NBPF4: variants seen among roughly 807,000 people sequenced by gnomAD.
NBPF4 encodes the protein NBPF family member NBPF4.
In NBPF4, 11 loss-of-function variants were observed where a neutral mutation model predicts 21.1. That is an observed-to-expected ratio of 0.52 (90% CI 0.33 to 0.86). NBPF4 has a LOEUF of 0.86. Among genes scored for constraint, NBPF4 ranks in the 40% least tolerant of loss-of-function variants. NBPF4 has a pLI of 0.03. For synonymous variants in NBPF4, 47 were observed against 106.4 expected, an observed-to-expected ratio of 0.44 and a Z score of 3.43; for missense variants, 88 against 265.3, an observed-to-expected ratio of 0.33 and a Z score of 4.64.
the NBPF4 span, among the ~76,000 whole-genome samples, chr1:108,268,553 G>T: frequency 6.7e-6 from 1 of 149,640 alleles, no homozygotes; most frequent in African/African-American, 2.5e-5. Flanking sequence ...TTAATTTCTT[G>T]TAGGGGTGGG....
At chr1:108,266,463 CCTTT>C in the NBPF4 span, among the ~76,000 whole-genome samples, 3 of 120,192 alleles carry the variant, frequency 2.5e-5, no homozygotes, top group East Asian at 8.7e-4. Context: ...ATTTCATCCT[CCTTT>C]CTTTCTGTTT....
intron 14 of NBPF4, among the ~76,000 whole-genome samples, chr1:108,224,464 AGATAAATAT>A (rs1649411774): frequency 7.0e-6 from 1 of 143,382 alleles, no homozygotes; most frequent in Non-Finnish European, 1.5e-5. Context: ...AAGGTTTTAC[AGATAAATAT>A]GATGGTGCTG....
At position 108,241,335 on chromosome 1, in the gene NBPF4, TATATAC is replaced by T. The variant is rs1272589112; in HGVS notation, c.279-177_279-172del. Among the ~76,000 whole-genome samples the T allele has an allele frequency of 1.2e-3, 164 of 131,262 alleles. 1 individual carries two copies. Among genetic ancestry groups the T allele is most frequent in the South Asian group, 3.9e-3 (14 of 3,562 alleles). The allele number at this position is 131,262 out of a possible 152,430, so 86.1% of individuals were successfully genotyped here. On this transcript the variant is annotated intron_variant, in intron 3 of 14. Transcript: ENST00000415641. ...AGAGAAAGAAGAATATATATATATA[TATATAC>T]ACACACACACACACACACACATACA...
At chr1:108,257,727 G>T in the NBPF4 span, among the ~76,000 whole-genome samples, 10 of 102,960 alleles carry the variant, frequency 9.7e-5, no homozygotes, top group Middle Eastern at 5.0e-3. Flanking sequence ...TGTGTATTTT[G>T]TTCCTATTTT....
chr1:108,222,896 C>T lies in NBPF4; in HGVS notation c.*809G>A, dbSNP rs1248369958. On this transcript the variant is annotated 3_prime_UTR_variant, in exon 15 of 15. Transcript: ENST00000415641. ...ACCCCTCCTTAACCAAGTGACCATC[C>T]TAGTATCACCGCACTGGGGATGGAC... Among the ~76,000 whole-genome samples the T allele has an allele frequency of 6.6e-6, 1 of 152,118 alleles. No homozygotes were observed. Among genetic ancestry groups the T allele is most frequent in the African/African-American group, 2.4e-5 (1 of 41,422 alleles).
chr1:108,229,358 G>A (rs1053720223), intron 12 of NBPF4, among the ~76,000 whole-genome samples: 1 of 148,394 alleles, frequency 6.7e-6, no homozygotes, highest in African/African-American at 2.5e-5. Context: ...GCCCAGGCTG[G>A]GGTGTCCCTG....
intron 3 of NBPF4, among the ~76,000 whole-genome samples, 173 bp from the exon 4 acceptor site, chr1:108,241,337 T>TAC (rs1242416746): frequency 3.9e-4 from 37 of 94,482 alleles, no homozygotes; most frequent in Middle Eastern, 5.4e-3. Flanking sequence ...TATATATATA[T>TAC]ATACACACAC....
chr1:108,246,442 A>G (rs1649848755), upstream of NBPF4, among the ~76,000 whole-genome samples: 1 of 120,144 alleles, frequency 8.3e-6, no homozygotes, highest in Non-Finnish European at 1.8e-5. Context: ...TTTTGAGATT[A>G]AATTCTCATG....
At chr1:108,248,056 G>T (rs573011238), upstream of NBPF4, among the ~76,000 whole-genome samples, 140 of 152,000 alleles carry the variant, frequency 9.2e-4, no homozygotes, top group African/African-American at 3.0e-3. Context: ...TTTCACTCAA[G>T]AACTTTTTAT....
At chr1:108,244,947 T>TATAC (rs754071410), upstream of NBPF4, among the ~76,000 whole-genome samples, 138 of 34,882 alleles carry the variant, frequency 4.0e-3, 3 homozygotes, top group African/African-American at 4.3e-3. Flanking sequence ...TATATATATA[T>TATAC]ACACACACAT....
chr1:108,264,115 T>C, the NBPF4 span, among the ~76,000 whole-genome samples: 1 of 133,450 alleles, frequency 7.5e-6, no homozygotes, highest in Admixed American at 7.4e-5. Context: ...AAGACAAGAC[T>C]CATCGGTATG....
chr1:108,228,788 T>C (rs1649560650), intron 13 of NBPF4, 132 bp downstream of exon 13: 1 of 653,418 alleles, frequency 1.5e-6, no homozygotes, highest in South Asian at 1.9e-5. Context: ...CTCACCTCAC[T>C]GGGTTGGAGC....
rs1649382211 is a variant in NBPF4 at position 108,223,629 on chromosome 1, T to C, written c.*76A>G. The stretch of plus-strand genomic sequence containing the variant: ...CCTCAGTGAAGGACCCCTGCAGTAT[T>C]GTGTTTGGACTTAAACTTGCTTTGC... On this transcript the variant is annotated 3_prime_UTR_variant, in exon 15 of 15. Transcript: ENST00000415641. 1 of 1,316,280 alleles carries C rather than the reference T, an allele frequency of 7.6e-7. No individual in the cohort carries two copies. The allele number at this position is 1,316,280 out of a possible 1,614,324, so 81.5% of individuals were successfully genotyped here.
chr1:108,268,788 C>T, the NBPF4 span, among the ~76,000 whole-genome samples: 14 of 141,374 alleles, frequency 9.9e-5, no homozygotes, highest in African/African-American at 2.9e-4. Context: ...ACATGGGGTT[C>T]GGGTGAGCAA....
At chr1:108,241,443 G>A (rs1649715547) in intron 3 of NBPF4, among the ~76,000 whole-genome samples, 1 of 147,496 alleles carries the variant, frequency 6.8e-6, no homozygotes, top group Admixed American at 6.8e-5. Flanking sequence ...GACTGCTTCT[G>A]TAATATCCTC....
chr1:108,245,321 C>T (rs1269715956), upstream of NBPF4, among the ~76,000 whole-genome samples: 3 of 116,634 alleles, frequency 2.6e-5, no homozygotes, highest in Admixed American at 9.4e-5. Context: ...GGAAAGCGCA[C>T]CTCTCAGCAG....
At chr1:108,229,460 C>T (rs934266449) in intron 12 of NBPF4, among the ~76,000 whole-genome samples, 2 of 151,842 alleles carry the variant, frequency 1.3e-5, no homozygotes, top group Admixed American at 6.6e-5. Context: ...CTTTCCTGTG[C>T]CCAGAGGGAA....
In NBPF4 at chr1:108,229,089, C is replaced by T. The variant is rs541440618; in HGVS notation, c.1491G>A (p.Val497=). 1.9e-6 allele frequency: 3 copies of T among 1,551,170 alleles called. No homozygotes were observed. The highest frequency in any genetic ancestry group is 2.6e-6 in the Non-Finnish European group (3 of 1,146,552). ...GTTCCAGCTGTGCCTGTGAAACTTG[C>T]ACCTCTGACTGGTGGTGGCTCAAGT... The part of the protein sequence containing the change: ...SGDLSHHQSE[V]QVSQAQLEPS... Residue 497 remains valine, a synonymous_variant, in exon 13 of 15, where the codon GTG becomes GTA. Coordinates refer to ENST00000415641, the MANE Select transcript of NBPF4 (RefSeq NM_001143989.3).
At chr1:108,244,798 A>G (rs1240033323), upstream of NBPF4, among the ~76,000 whole-genome samples, 6 of 3,658 alleles carry the variant, frequency 1.6e-3, no homozygotes, top group African/African-American at 5.1e-3. Flanking sequence ...GTGACCATCT[A>G]TCTTGGGAAG....
Sources: gnomAD v4.1 joint callset for allele counts (sites outside exome capture counted in the v4.1 genomes callset) on GRCh38, gnomAD v4.1.1 for gene constraint, MANE v1.5 for transcripts, NCBI Gene and HGNC (gene_info 2026-07-23, HGNC 2026-07-21) for gene names.